The following GPHN variants were observed in gnomAD, a reference collection of about 807,000 sequenced individuals.
GPHN encodes gephyrin.
A neutral mutation model predicts 95.5 loss-of-function variants in GPHN; 17 were observed. The ratio of observed to expected loss-of-function variants is 0.18; its 90% confidence interval spans 0.12 to 0.27. The LOEUF is 0.27. GPHN is among the 10% of genes least tolerant of loss of function. The probability of loss-of-function intolerance (pLI) is 1.00; values close to 1 mark genes in which losing one functional copy is unlikely to be tolerated. For synonymous variants in GPHN, 320 were observed against 322.5 expected, an observed-to-expected ratio of 0.99 and a Z score of 0.08; for missense variants, 660 against 978.1, an observed-to-expected ratio of 0.67 and a Z score of 4.34.
the GPHN span, chr14:67,587,024 A>ATTCAAGCCAAGGCTAGTTCAATTCC: frequency 6.5e-7 from 1 of 1,535,726 alleles, no homozygotes; most frequent in Non-Finnish European, 8.8e-7. Flanking sequence ...GAAAGCCAGG[A>ATTCAAGCCAAGGCTAGTTCAATTCC]TTCAAGCCAA....
the GPHN span, among the ~76,000 whole-genome samples, chr14:67,523,776 CT>C: frequency 2.0e-5 from 3 of 152,212 alleles, no homozygotes; most frequent in Non-Finnish European, 4.4e-5. Flanking sequence ...TCAAGGTCTG[CT>C]TTCTCTTAGG....
At chr14:66,776,738 C>T (rs546582546) in intron 3 of GPHN, among the ~76,000 whole-genome samples, 4 of 152,150 alleles carry the variant, frequency 2.6e-5, no homozygotes, top group East Asian at 1.9e-4. Flanking sequence ...TTAGGAGAAT[C>T]GAAAAGGAAC....
the GPHN span, among the ~76,000 whole-genome samples, chr14:67,517,053 T>C: frequency 6.6e-6 from 1 of 152,148 alleles, no homozygotes; most frequent in African/African-American, 2.4e-5. Context: ...TTGCTGGAGA[T>C]AGGTCAGGGA....
chr14:67,275,721 G>A, the GPHN span, among the ~76,000 whole-genome samples: 3 of 152,118 alleles, frequency 2.0e-5, no homozygotes, highest in South Asian at 2.1e-4. Flanking sequence ...TGTACCTCTC[G>A]TAGAATTTGG....
chr14:67,357,778 CAGAG>C, the GPHN span, among the ~76,000 whole-genome samples: 1 of 152,152 alleles, frequency 6.6e-6, no homozygotes, highest in Admixed American at 6.5e-5. Context: ...CAAGAAGAGT[CAGAG>C]AAGAGAAACC....
At chr14:66,572,853 T>A (rs1403488262) in intron 1 of GPHN, among the ~76,000 whole-genome samples, 1 of 152,194 alleles carries the variant, frequency 6.6e-6, no homozygotes, top group Non-Finnish European at 1.5e-5. Flanking sequence ...GAAGAAAAGC[T>A]TTCAACTTTC....
At chr14:67,288,589 C>G in the GPHN span, among the ~76,000 whole-genome samples, 1 of 152,172 alleles carries the variant, frequency 6.6e-6, no homozygotes, top group African/African-American at 2.4e-5. Flanking sequence ...TTATGCAAAG[C>G]TTAACTGCTT....
At chr14:66,617,609 CT>C (rs2063105314) in intron 1 of GPHN, among the ~76,000 whole-genome samples, 1 of 152,142 alleles carries the variant, frequency 6.6e-6, no homozygotes, top group Admixed American at 6.5e-5. Flanking sequence ...TATTATGATT[CT>C]TTTCAATGGG....
chr14:66,884,691 G>A (rs1409641953), intron 5 of GPHN, among the ~76,000 whole-genome samples: 1 of 151,426 alleles, frequency 6.6e-6, no homozygotes, highest in African/African-American at 2.4e-5. Flanking sequence ...TTTATTCTCA[G>A]TTTTGTCATT....
the GPHN span, among the ~76,000 whole-genome samples, chr14:67,329,754 C>A: frequency 1.3e-5 from 2 of 151,942 alleles, 1 homozygote; most frequent in South Asian, 4.2e-4. Context: ...TGGTGGTGCA[C>A]GCCTGTGGTA....
intron 2 of GPHN, among the ~76,000 whole-genome samples, chr14:66,749,576 G>A (rs2058291881): frequency 6.6e-6 from 1 of 151,710 alleles, no homozygotes; most frequent in Admixed American, 6.6e-5. Context: ...TTATTAATTT[G>A]CATTTTACTG....
chr14:66,512,694 C>T (rs1167672557), intron 1 of GPHN, among the ~76,000 whole-genome samples: 1 of 151,482 alleles, frequency 6.6e-6, no homozygotes, highest in African/African-American at 2.4e-5. Flanking sequence ...ATTACAGTAA[C>T]AGGTAGGGAG....
rs1355894732 is a variant in GPHN at position 66,922,912 on chromosome 14, A to G, written c.703A>G (p.Ile235Val). 3 of 1,613,200 alleles carry G rather than the reference A, an allele frequency of 1.9e-6. No individual in the cohort carries two copies. Among genetic ancestry groups the G allele is most frequent in the African/African-American group, 1.3e-5 (1 of 75,056 alleles). ...ASTEDSSSSH[I>V]TAAAIAAKKH... ...AACAGAAGATAGTTCCTCATCACAT[A>G]TAACTGCAGCAGCCATTGCTGCCAA... Residue 235 changes from isoleucine (I) to valine (V), a missense_variant, in exon 7 of 23, where the codon ATA (isoleucine) becomes GTA (valine). Physicochemically the swap from Ile to Val is conservative, Grantham distance 29. This residue lies in a region of GPHN where 190 missense variants were observed against 224.7 expected (regional missense o/e 0.85). Transcript: ENST00000478722.
At chr14:66,751,556 A>C (rs1197221123) in intron 2 of GPHN, among the ~76,000 whole-genome samples, 3 of 151,724 alleles carry the variant, frequency 2.0e-5, no homozygotes, top group Non-Finnish European at 4.4e-5. Flanking sequence ...TTTTCTTTTA[A>C]ATTTGTTTAA....
rs756718069 is a variant in GPHN, at chr14:67,181,192, A to T, written c.*255A>T. 9 of 533,626 alleles carry T rather than the reference A, an allele frequency of 1.7e-5. No individual in the cohort carries two copies. The highest frequency in any genetic ancestry group is 1.3e-4 in the Admixed American group (4 of 31,896). 33.1% of individuals were successfully genotyped at this position (533,626 alleles called of 1,614,324 possible). Reference sequence around the variant, plus strand: ...TCTTGCAAATTGCTTTGTGTGTTCAATGCTAGGTCTGATAGCGATAGCTTT... The same window carrying T: ...TCTTGCAAATTGCTTTGTGTGTTCATTGCTAGGTCTGATAGCGATAGCTTT... On this transcript the variant is annotated 3_prime_UTR_variant, in exon 23 of 23. Transcript: ENST00000478722.
the GPHN span, chr14:67,302,384 T>A: frequency 7.4e-7 from 1 of 1,343,558 alleles, no homozygotes; most frequent in Non-Finnish European, 9.7e-7. Flanking sequence ...TTTTTATTTT[T>A]AAATTATACA....
intron 11 of GPHN, among the ~76,000 whole-genome samples, chr14:67,065,349 C>T (rs577028599): frequency 1.2e-4 from 18 of 152,248 alleles, no homozygotes; most frequent in African/African-American, 4.3e-4. Flanking sequence ...TGCTTTACTT[C>T]CAATTATGTT....
intron 1 of GPHN, among the ~76,000 whole-genome samples, chr14:66,572,333 C>G (rs1397844557): frequency 6.6e-6 from 1 of 152,168 alleles, no homozygotes; most frequent in Admixed American, 6.5e-5. Flanking sequence ...CTGTAGATCA[C>G]TTTGGATAGT....
chr14:66,621,851 C>T (rs2063319686), intron 1 of GPHN, among the ~76,000 whole-genome samples: 1 of 152,190 alleles, frequency 6.6e-6, no homozygotes, highest in Non-Finnish European at 1.5e-5. Context: ...AGGATACAGC[C>T]TCCATCCCAG....
Sources: allele counts gnomAD v4.1 joint callset (sites outside exome capture counted in the v4.1 genomes callset), GRCh38; gene constraint gnomAD v4.1.1; regional missense constraint gnomAD v4.1.1; transcripts MANE v1.5; gene names NCBI Gene and HGNC (gene_info 2026-07-23, HGNC 2026-07-21).